Variants in WWOX observed in about 807,000 individuals in gnomAD.
WWOX encodes WW domain containing oxidoreductase.
In WWOX, 69 loss-of-function variants were observed where a neutral mutation model predicts 46.2. The observed-to-expected ratio is 1.49, with a 90% CI of 1.23 to 1.82. The LOEUF (loss-of-function observed/expected upper bound fraction) is 1.82. WWOX is among the 40% of genes most tolerant of loss of function. The pLI is 0.00. For missense variants in WWOX, 919 were observed against 542.6 expected (o/e 1.69, Z -6.89); for synonymous variants, 359 against 202.6 (o/e 1.77, Z -6.56).
intron 5 of WWOX, among the ~76,000 whole-genome samples, chr16:78,358,174 TAATC>T (rs911283583): frequency 1.3e-5 from 2 of 152,102 alleles, no homozygotes; most frequent in African/African-American, 4.8e-5. Context: ...CAACACACAT[TAATC>T]AACAATTCTC....
At chr16:78,655,578 C>A (rs1351453146) in intron 8 of WWOX, among the ~76,000 whole-genome samples, 2 of 151,972 alleles carry the variant, frequency 1.3e-5, no homozygotes, top group East Asian at 1.9e-4. Context: ...ACAATTGATG[C>A]ACTTTAATTT....
chr16:78,502,832 A>C (rs942892750), intron 8 of WWOX, among the ~76,000 whole-genome samples: 1 of 152,188 alleles, frequency 6.6e-6, no homozygotes, highest in Non-Finnish European at 1.5e-5. Context: ...CTCTACTTAC[A>C]GTATGACTCG....
At chr16:78,880,935 T>G (rs917274239) in intron 8 of WWOX, among the ~76,000 whole-genome samples, 1 of 152,072 alleles carries the variant, frequency 6.6e-6, no homozygotes, top group African/African-American at 2.4e-5. Context: ...CCAAGCACTT[T>G]TTTTTTTCAT....
intron 8 of WWOX, among the ~76,000 whole-genome samples, chr16:78,690,817 G>A (rs185503021): frequency 7.2e-5 from 11 of 152,142 alleles, no homozygotes; most frequent in Non-Finnish European, 1.3e-4. Context: ...TGGCATATGC[G>A]TATGTTTCAA....
At position 78,501,193 on chromosome 16, in the gene WWOX, C is replaced by CTCTTTT. The variant is rs1567609023; in HGVS notation, c.1056+68442_1056+68443insCTTTTT. Reference sequence around the variant, plus strand: ...TTTTTCTTTCTCTCTCTTTCTTTCTCTTTTTTTTTTTTTGAAAAACTTTTT... The same window carrying CTCTTTT: ...TTTTTCTTTCTCTCTCTTTCTTTCTCTCTTTTTTTTTTTTTTTTTGAAAAACTTTTT... On this transcript the variant is annotated intron_variant, in intron 8 of 8. Coordinates refer to ENST00000566780, the MANE Select transcript of WWOX (RefSeq NM_016373.4). 1.3e-3 allele frequency among the ~76,000 whole-genome samples: 121 copies of CTCTTTT among 90,928 alleles called. 2 individuals are homozygous for CTCTTTT. The highest frequency in any genetic ancestry group is 2.1e-3 in the Admixed American group (13 of 6,084). The allele number at this position is 90,928 out of a possible 152,430, so 59.7% of individuals were successfully genotyped here.
chr16:78,392,171 G>A (rs7193001), intron 6 of WWOX, among the ~76,000 whole-genome samples: 7,668 of 152,042 alleles, frequency 0.05, 645 homozygotes, highest in African/African-American at 0.17. Context: ...AGGAAGCTGC[G>A]TCTGTGCTTA....
chr16:78,894,644 C>G (rs976687945), intron 8 of WWOX, among the ~76,000 whole-genome samples: 3 of 152,088 alleles, frequency 2.0e-5, no homozygotes, highest in East Asian at 1.9e-4. Flanking sequence ...GTACTTATAC[C>G]TACCCAGCCT....
At chr16:78,539,187 A>G (rs1160043047) in intron 8 of WWOX, among the ~76,000 whole-genome samples, 1 of 152,238 alleles carries the variant, frequency 6.6e-6, no homozygotes, top group Non-Finnish European at 1.5e-5. Flanking sequence ...TGCATGACAC[A>G]TAGTAATTGC....
intron 8 of WWOX, among the ~76,000 whole-genome samples, chr16:78,748,885 A>T (rs2049412379): frequency 6.6e-6 from 1 of 152,220 alleles, no homozygotes. Flanking sequence ...AGGTGAATTG[A>T]TTTGCAAAGC....
intron 6 of WWOX, among the ~76,000 whole-genome samples, chr16:78,421,166 A>G (rs1745964940): frequency 6.6e-6 from 1 of 152,210 alleles, no homozygotes; most frequent in African/African-American, 2.4e-5. Context: ...TATTATAACA[A>G]ATTACCACAG....
intron 8 of WWOX, among the ~76,000 whole-genome samples, chr16:78,567,918 TC>T (rs2044613557): frequency 6.6e-6 from 1 of 152,144 alleles, no homozygotes; most frequent in African/African-American, 2.4e-5. Context: ...GCCCTTGTTT[TC>T]CAGTGGCTCA....
intron 8 of WWOX, among the ~76,000 whole-genome samples, chr16:78,858,691 T>C (rs138815873): frequency 7.5e-4 from 114 of 152,102 alleles, no homozygotes; most frequent in African/African-American, 2.6e-3. Context: ...GTCCTTTTTA[T>C]TTTTTTGAGA....
intron 5 of WWOX, among the ~76,000 whole-genome samples, chr16:78,326,960 T>G (rs1360137116): frequency 2.0e-5 from 3 of 152,198 alleles, no homozygotes; most frequent in African/African-American, 7.2e-5. Context: ...GAATTTCTCT[T>G]GCTGCTTTTT....
At chr16:78,548,483 A>C (rs1483584018) in intron 8 of WWOX, among the ~76,000 whole-genome samples, 2 of 152,178 alleles carry the variant, frequency 1.3e-5, no homozygotes, top group African/African-American at 4.8e-5. Context: ...ACATTTTTTT[A>C]AGTAAGGTTT....
intron 8 of WWOX, among the ~76,000 whole-genome samples, chr16:78,704,461 G>A (rs1261259929): frequency 6.6e-6 from 1 of 152,082 alleles, no homozygotes; most frequent in Non-Finnish European, 1.5e-5. Flanking sequence ...GTGTATGATT[G>A]CCCACGGATC....
At position 78,743,229 on chromosome 16, in the gene WWOX, C is replaced by T. The variant is rs140645997; in HGVS notation, c.1056+310477C>T. 3.4e-3 allele frequency among the ~76,000 whole-genome samples: 525 copies of T among 152,290 alleles called. 4 individuals are homozygous for T. The highest frequency in any genetic ancestry group is 0.017 in the Middle Eastern group (5 of 294). ...TTCTGCACTGGAGAGCAAAAGCCAT[C>T]TTATCTCTCTGAGTGCAAGGTGACA... On this transcript the variant is annotated intron_variant, in intron 8 of 8. Coordinates refer to ENST00000566780, the MANE Select transcript of WWOX (RefSeq NM_016373.4).
At chr16:78,425,522 G>A (rs2083055517) in intron 7 of WWOX, among the ~76,000 whole-genome samples, 1 of 152,174 alleles carries the variant, frequency 6.6e-6, no homozygotes, top group South Asian at 2.1e-4. Context: ...GGGAAGAACT[G>A]TAGTTAGAGC....
chr16:79,032,120 G>A (rs1336038763), intron 8 of WWOX, among the ~76,000 whole-genome samples: 1 of 144,520 alleles, frequency 6.9e-6, no homozygotes, highest in South Asian at 2.1e-4. Flanking sequence ...ATATAAATAT[G>A]TGTATATATA....
intron 8 of WWOX, among the ~76,000 whole-genome samples, chr16:78,573,835 A>C (rs1379377635): frequency 6.6e-6 from 1 of 152,220 alleles, no homozygotes; most frequent in Non-Finnish European, 1.5e-5. Flanking sequence ...TTCTTGCTAC[A>C]TAAATTAACA....
Sources: gnomAD v4.1 joint callset for allele counts (sites outside exome capture counted in the v4.1 genomes callset) on GRCh38, gnomAD v4.1.1 for gene constraint, MANE v1.5 for transcripts, NCBI Gene and HGNC (gene_info 2026-07-23, HGNC 2026-07-21) for gene names.